The following OSBPL9 variants were observed in gnomAD, a reference collection of about 807,000 sequenced individuals.
OSBPL9 encodes oxysterol binding protein like 9.
In OSBPL9, 40 loss-of-function variants were observed where a neutral mutation model predicts 106.6. The ratio of observed to expected loss-of-function variants is 0.38; its 90% CI spans 0.29 to 0.49. The LOEUF is 0.49. Among genes scored for constraint, OSBPL9 ranks in the 20% least tolerant of loss-of-function variants. The pLI, the probability that OSBPL9 is intolerant of heterozygous loss-of-function variation, is 0.97. For missense variants in OSBPL9, 609 were observed against 887.2 expected (o/e 0.69, Z 3.98); for synonymous variants, 269 against 295.4 (o/e 0.91, Z 0.92).
intron 16 of OSBPL9, 172 bp downstream of exon 16, chr1:51,781,507 T>G (rs993428869): frequency 1.9e-5 from 12 of 626,430 alleles, no homozygotes; most frequent in Non-Finnish European, 3.0e-5. Context: ...GGAAAAAGAG[T>G]AGGATGAGAT....
chr1:51,691,959 T>A (rs2148827709), intron 3 of OSBPL9, among the ~76,000 whole-genome samples: 1 of 152,254 alleles, frequency 6.6e-6, no homozygotes, highest in African/African-American at 2.4e-5. Context: ...AGGACCTGCC[T>A]GAGGCTGTTT....
chr1:51,726,802 T>G (rs932105208), intron 4 of OSBPL9, among the ~76,000 whole-genome samples: 5 of 152,208 alleles, frequency 3.3e-5, no homozygotes, highest in Non-Finnish European at 5.9e-5. Context: ...TTAACAGCTT[T>G]TAGTTTTGTT....
intron 20 of OSBPL9, 70 bp downstream of exon 20, chr1:51,784,652 C>A: frequency 6.6e-7 from 1 of 1,508,298 alleles, no homozygotes. Flanking sequence ...TGAACTACAG[C>A]TTCTGGATTA....
At chr1:51,766,083 T>TA in intron 12 of OSBPL9, 102 bp downstream of exon 12, 1 of 1,192,632 alleles carries the variant, frequency 8.4e-7, no homozygotes, top group Non-Finnish European at 1.1e-6. Flanking sequence ...CCTCATCAGT[T>TA]ATTATTTGGG....
At chr1:51,773,160 T>G (rs1313445778) in intron 14 of OSBPL9, among the ~76,000 whole-genome samples, 1 of 152,140 alleles carries the variant, frequency 6.6e-6, no homozygotes, top group Non-Finnish European at 1.5e-5. Context: ...TTGTGACATA[T>G]TTGTGACCTC....
At chr1:51,603,348 A>C (rs1645332739) in intron 2 of OSBPL9, among the ~76,000 whole-genome samples, 1 of 152,226 alleles carries the variant, frequency 6.6e-6, no homozygotes, top group Non-Finnish European at 1.5e-5. Flanking sequence ...TATACAGATA[A>C]AGTAAATTTA....
intron 4 of OSBPL9, among the ~76,000 whole-genome samples, chr1:51,715,310 C>T (rs1449255649): frequency 1.3e-5 from 2 of 152,148 alleles, no homozygotes; most frequent in East Asian, 1.9e-4. Context: ...GTGAGTTATG[C>T]CTTTTAAAAG....
intron 15 of OSBPL9, 89 bp from the exon 16 acceptor site, chr1:51,781,075 T>C: frequency 7.7e-7 from 1 of 1,290,864 alleles, no homozygotes; most frequent in Non-Finnish European, 1.1e-6. Flanking sequence ...CCTCTCAGCC[T>C]GACTTAGGTG....
rs1645289835 is a variant in OSBPL9, at chr1:51,634,328, CAG to C, written c.111+17110_111+17111del. On this transcript the variant is annotated intron_variant, in intron 1 of 23. Transcript: ENST00000428468. Reference sequence around the variant, plus strand: ...GTACTGATGGTGGAGGAGCATAAAACAGAGTTTAACACTCCCTCATTATTTCC... The same window carrying C: ...GTACTGATGGTGGAGGAGCATAAAACAGTTTAACACTCCCTCATTATTTCC... Among the ~76,000 whole-genome samples the C allele has an allele frequency of 2.6e-5, 4 of 152,284 alleles. No homozygotes were observed. The South Asian group carries it at 8.3e-4, about 32-fold the overall frequency.
chr1:51,749,197 A>G (rs1668701884), intron 7 of OSBPL9, among the ~76,000 whole-genome samples: 1 of 152,242 alleles, frequency 6.6e-6, no homozygotes, highest in African/African-American at 2.4e-5. Context: ...CTGACATTAT[A>G]TAATGGGCTA....
chr1:51,598,986 C>G (rs1269067389), intron 2 of OSBPL9, among the ~76,000 whole-genome samples: 1 of 144,712 alleles, frequency 6.9e-6, no homozygotes, highest in African/African-American at 2.6e-5. Flanking sequence ...AGGTGAGACT[C>G]TGTCTCAAAA....
chr1:51,787,480 G>A lies in OSBPL9; in HGVS notation c.2128G>A (p.Glu710Lys), dbSNP rs1486205977. ...RERKEKEIQWETRLFHEDGEC... is the reference protein window; with the variant it reads ...RERKEKEIQWKTRLFHEDGEC... ...AAGGAAGGAGAAGGAAATTCAGTGG[G>A]AGACAAGGGTAAGCTTGCCTGCCCC... Residue 710 changes from glutamate to lysine, a missense_variant, in exon 23 of 24, where the codon GAG becomes AAG. Physicochemically the swap from Glu to Lys is moderately conservative, Grantham distance 56. Coordinates refer to ENST00000428468, the MANE Select transcript of OSBPL9 (RefSeq NM_024586.6). 1.2e-6 allele frequency: 2 copies of A among 1,613,968 alleles called. No homozygotes were observed. The highest frequency in any genetic ancestry group is 1.7e-6 in the Non-Finnish European group (2 of 1,179,878).
chr1:51,563,140 G>T, the OSBPL9 span, among the ~76,000 whole-genome samples: 3 of 152,256 alleles, frequency 2.0e-5, no homozygotes, highest in Non-Finnish European at 4.4e-5. Flanking sequence ...AGCCCAGGAG[G>T]TGGAGGTTGC....
chr1:51,525,759 A>G, the OSBPL9 span, among the ~76,000 whole-genome samples: 1 of 152,274 alleles, frequency 6.6e-6, no homozygotes, highest in Non-Finnish European at 1.5e-5. Context: ...CATATCATAA[A>G]CTGAATGATC....
intron 4 of OSBPL9, among the ~76,000 whole-genome samples, chr1:51,742,007 G>T (rs149711871): frequency 2.1e-3 from 319 of 152,264 alleles, no homozygotes; most frequent in African/African-American, 7.0e-3. Context: ...AGGGAGTAGA[G>T]AATAGGAGAA....
At chr1:51,701,004 A>G (rs150293667) in intron 3 of OSBPL9, among the ~76,000 whole-genome samples, 84 of 152,180 alleles carry the variant, frequency 5.5e-4, no homozygotes, top group African/African-American at 1.8e-3. Flanking sequence ...CAATGGCACA[A>G]TCTCGGCTCA....
intron 5 of OSBPL9, 132 bp from the exon 6 acceptor site, chr1:51,746,578 C>A: frequency 1.6e-6 from 1 of 637,022 alleles, no homozygotes; most frequent in Non-Finnish European, 2.7e-6. Context: ...TACATGTTGT[C>A]TTGAAAATAA....
At chr1:51,697,979 C>T (rs1177101136) in intron 3 of OSBPL9, among the ~76,000 whole-genome samples, 3 of 151,704 alleles carry the variant, frequency 2.0e-5, no homozygotes. Context: ...ATAATAATAA[C>T]ATATTGGTAT....
intron 2 of OSBPL9, among the ~76,000 whole-genome samples, chr1:51,652,885 C>G (rs1229138768): frequency 1.3e-5 from 2 of 152,224 alleles, no homozygotes; most frequent in Non-Finnish European, 2.9e-5. Flanking sequence ...TCTATCATAA[C>G]TAGGTTAATC....
Sources: gnomAD v4.1 joint callset for allele counts (sites outside exome capture counted in the v4.1 genomes callset) on GRCh38, gnomAD v4.1.1 for gene constraint, MANE v1.5 for transcripts, NCBI Gene and HGNC (gene_info 2026-07-23, HGNC 2026-07-21) for gene names.